NRG3: variants seen among roughly 807,000 people sequenced by gnomAD.
NRG3 encodes pro-neuregulin-3, membrane-bound isoform.
NRG3 carries 31 observed loss-of-function variants against 66.9 expected under a neutral mutation model. The ratio of observed to expected loss-of-function variants is 0.46; its 90% CI spans 0.35 to 0.63. The LOEUF is 0.63. NRG3 is among the 20% of genes least tolerant of loss of function. NRG3 has a pLI of 0.00. For missense variants in NRG3, 910 were observed against 878.9 expected (o/e 1.04, Z -0.45); for synonymous variants, 393 against 359.4 (o/e 1.09, Z -1.06).
intron 3 of NRG3, among the ~76,000 whole-genome samples, chr10:82,845,284 T>A (rs2063256450): frequency 6.6e-6 from 1 of 152,234 alleles, no homozygotes; most frequent in African/African-American, 2.4e-5. Context: ...TTAACTATCT[T>A]TTTTCCTTTC....
chr10:82,228,018 G>C (rs995989706), intron 1 of NRG3, among the ~76,000 whole-genome samples: 1 of 152,104 alleles, frequency 6.6e-6, no homozygotes, highest in Non-Finnish European at 1.5e-5. Flanking sequence ...TGTACCTATT[G>C]ATGGTCCCTG....
At chr10:82,614,296 G>A (rs2048501119) in intron 2 of NRG3, among the ~76,000 whole-genome samples, 1 of 152,204 alleles carries the variant, frequency 6.6e-6, no homozygotes, top group Non-Finnish European at 1.5e-5. Flanking sequence ...TAGTGCAGAT[G>A]TGTACAGCAG....
At position 82,038,611 on chromosome 10, in the gene NRG3, A is replaced by G. The variant is rs779384922; in HGVS notation, c.823+162448A>G. Among the ~76,000 whole-genome samples the G allele has an allele frequency of 2.6e-5, 4 of 152,126 alleles. 1 individual carries two copies. Among genetic ancestry groups the G allele is most frequent in the Non-Finnish European group, 5.9e-5 (4 of 68,000 alleles). ...TTTGCCAAGCCTAGACATGGCTTTT[A>G]TGGAGTGAATTTGATCTTTATTAAT... On this transcript the variant is annotated intron_variant, in intron 1 of 8. Transcript: ENST00000372141.
chr10:82,938,483 G>A (rs1171611284), intron 4 of NRG3, among the ~76,000 whole-genome samples: 1 of 152,222 alleles, frequency 6.6e-6, no homozygotes, highest in Non-Finnish European at 1.5e-5. Context: ...CTTAAGCCTG[G>A]GAAGTCAAAT....
At chr10:82,255,117 G>T (rs1167035475) in intron 1 of NRG3, among the ~76,000 whole-genome samples, 1 of 152,168 alleles carries the variant, frequency 6.6e-6, no homozygotes, top group African/African-American at 2.4e-5. Flanking sequence ...GATAGGACAT[G>T]ATGAAAATGG....
At chr10:82,226,151 T>G (rs2076154098) in intron 1 of NRG3, among the ~76,000 whole-genome samples, 1 of 152,168 alleles carries the variant, frequency 6.6e-6, no homozygotes, top group Non-Finnish European at 1.5e-5. Flanking sequence ...TAAACACACT[T>G]CAGCATCCAG....
intron 1 of NRG3, among the ~76,000 whole-genome samples, chr10:82,071,070 C>T (rs1041472626): frequency 6.6e-6 from 1 of 152,076 alleles, no homozygotes; most frequent in African/African-American, 2.4e-5. Flanking sequence ...TACTCTGCCC[C>T]GATAGTACCC....
At chr10:82,938,558 T>A (rs1047844881) in intron 4 of NRG3, among the ~76,000 whole-genome samples, 1 of 152,234 alleles carries the variant, frequency 6.6e-6, no homozygotes, top group Non-Finnish European at 1.5e-5. Context: ...TGTTTGTAGA[T>A]CTTCCAGGAT....
At chr10:82,953,710 G>T (rs531430170) in intron 5 of NRG3, among the ~76,000 whole-genome samples, 8 of 151,898 alleles carry the variant, frequency 5.3e-5, no homozygotes, top group Non-Finnish European at 1.0e-4. Context: ...GGTGACTCAT[G>T]CCTGTAATCC....
chr10:82,102,131 TTCATATATATATA>T (rs2066782769), intron 1 of NRG3, among the ~76,000 whole-genome samples: 1 of 8,752 alleles, frequency 1.1e-4, no homozygotes, highest in Non-Finnish European at 2.9e-4. Flanking sequence ...TATATGTGTA[TTCATATATATATA>T]TATATATATA....
chr10:82,783,938 C>T (rs1427462781), intron 3 of NRG3, among the ~76,000 whole-genome samples: 20 of 151,942 alleles, frequency 1.3e-4, no homozygotes, highest in South Asian at 8.3e-4. Flanking sequence ...GGAGGCATCA[C>T]GCTACCTGAC....
At chr10:81,966,386 C>G (rs1233012912) in intron 1 of NRG3, among the ~76,000 whole-genome samples, 1 of 151,498 alleles carries the variant, frequency 6.6e-6, no homozygotes, top group Admixed American at 6.6e-5. Flanking sequence ...CTTTCACTGC[C>G]TTATCCTCTT....
At chr10:82,104,436 C>G (rs1405024874) in intron 1 of NRG3, among the ~76,000 whole-genome samples, 3 of 152,022 alleles carry the variant, frequency 2.0e-5, no homozygotes, top group African/African-American at 7.3e-5. Flanking sequence ...ATATATTTGG[C>G]CAAGCTGTCA....
chr10:82,404,453 G>A (rs747969361), intron 2 of NRG3, among the ~76,000 whole-genome samples: 4 of 152,176 alleles, frequency 2.6e-5, no homozygotes, highest in Admixed American at 6.5e-5. Context: ...GTGAGGCACA[G>A]CCTTGCCAAA....
At chr10:82,186,160 C>G (rs553101265) in intron 1 of NRG3, among the ~76,000 whole-genome samples, 1 of 152,194 alleles carries the variant, frequency 6.6e-6, no homozygotes, top group African/African-American at 2.4e-5. Flanking sequence ...GCATTCAGAA[C>G]TCCAAAGAGA....
intron 4 of NRG3, among the ~76,000 whole-genome samples, chr10:82,874,128 G>A (rs779885808): frequency 3.3e-5 from 5 of 151,890 alleles, no homozygotes; most frequent in South Asian, 4.2e-4. Context: ...AAACTTGATC[G>A]TATATTGGGT....
chr10:82,621,168 G>A (rs2049014011), intron 2 of NRG3, among the ~76,000 whole-genome samples: 1 of 152,028 alleles, frequency 6.6e-6, no homozygotes. Flanking sequence ...AAGGTTTGCG[G>A]AACTTGAAGT....
chr10:82,348,368 T>C (rs1176562587), intron 1 of NRG3, among the ~76,000 whole-genome samples: 2 of 146,160 alleles, frequency 1.4e-5, no homozygotes, highest in Non-Finnish European at 3.0e-5. Flanking sequence ...TTGAAAATTC[T>C]TTTCTTTAAG....
chr10:82,453,639 A>G (rs779821270), intron 2 of NRG3, among the ~76,000 whole-genome samples: 11 of 151,972 alleles, frequency 7.2e-5, no homozygotes, highest in African/African-American at 1.2e-4. Flanking sequence ...GAGAATAGAT[A>G]TAGGGAAGAT....
Sources: allele counts gnomAD v4.1 joint callset (sites outside exome capture counted in the v4.1 genomes callset), GRCh38; gene constraint gnomAD v4.1.1; transcripts MANE v1.5; gene names NCBI Gene and HGNC (gene_info 2026-07-23, HGNC 2026-07-21).